The following PRDM6 variants were observed in gnomAD, a reference collection of about 807,000 sequenced individuals.
The protein encoded by PRDM6 is PR/SET domain 6.
In PRDM6, 25 loss-of-function variants were observed where a neutral mutation model predicts 60.8. The observed-to-expected ratio is 0.41, with a 90% CI of 0.30 to 0.57. The LOEUF is 0.57. Among genes scored for constraint, PRDM6 ranks in the 20% least tolerant of loss-of-function variants. The probability of loss-of-function intolerance (pLI) is 0.27; values close to 1 mark genes in which losing one functional copy is unlikely to be tolerated. For synonymous variants in PRDM6, 407 were observed against 357.4 expected, an observed-to-expected ratio of 1.14 and a Z score of -1.57; for missense variants, 839 against 821.3, an observed-to-expected ratio of 1.02 and a Z score of -0.26.
At chr5:123,100,050 T>C (rs1249802387) in intron 3 of PRDM6, 89 bp downstream of exon 3, 1 of 1,337,018 alleles carries the variant, frequency 7.5e-7, no homozygotes, top group Non-Finnish European at 1.0e-6. Flanking sequence ...GGCCTTTGGC[T>C]GTGGCAACTG....
intron 5 of PRDM6, among the ~76,000 whole-genome samples, chr5:123,170,092 T>C (rs1016733554): frequency 1.3e-5 from 2 of 152,176 alleles, no homozygotes; most frequent in Non-Finnish European, 2.9e-5. Context: ...ATTTATTTAT[T>C]TGGACTTTTA....
Position 123,180,334 on chromosome 5 carries a change from G to C in PRDM6, c.1673+11G>C. The C allele has an allele frequency of 6.5e-7, 1 of 1,543,902 alleles. No homozygotes were observed. Among genetic ancestry groups the C allele is most frequent in the Non-Finnish European group, 8.8e-7 (1 of 1,142,284 alleles). On this transcript the variant is annotated intron_variant, in intron 7 of 7. Coordinates refer to ENST00000407847, the MANE Select transcript of PRDM6 (RefSeq NM_001136239.4). ...AGAAAAGCCCTTCAAGTAAGTAGTG[G>C]CTAGCCCTCCACCCTCTCTTTCTCT...
intron 3 of PRDM6, among the ~76,000 whole-genome samples, chr5:123,148,892 A>G (rs931469499): frequency 6.6e-6 from 1 of 152,218 alleles, no homozygotes; most frequent in East Asian, 1.9e-4. Flanking sequence ...ATGGTGGCCT[A>G]TGATTCACAT....
chr5:123,118,122 C>T (rs1036920852), intron 3 of PRDM6, among the ~76,000 whole-genome samples: 7 of 152,090 alleles, frequency 4.6e-5, no homozygotes, highest in African/African-American at 9.7e-5. Context: ...AATGAAGAGC[C>T]AGTTGGGGAG....
intron 3 of PRDM6, among the ~76,000 whole-genome samples, chr5:123,122,990 T>G (rs1275600096): frequency 6.6e-6 from 1 of 152,184 alleles, no homozygotes; most frequent in East Asian, 1.9e-4. Flanking sequence ...ATTTGAATCC[T>G]TATAGATTCT....
At chr5:123,113,622 T>C (rs6889710) in intron 3 of PRDM6, among the ~76,000 whole-genome samples, 56,780 of 152,028 alleles carry the variant, frequency 0.37, 12,430 homozygotes, top group African/African-American at 0.59. Flanking sequence ...GAGTTCTTGC[T>C]CTTCACCGGT....
At chr5:123,129,335 C>T (rs1424672936) in intron 3 of PRDM6, among the ~76,000 whole-genome samples, 3 of 152,098 alleles carry the variant, frequency 2.0e-5, no homozygotes, top group South Asian at 4.1e-4. Context: ...AGCATTGAAT[C>T]TATATATTAC....
At chr5:123,095,985 A>T (rs1439204434) in intron 2 of PRDM6, among the ~76,000 whole-genome samples, 1 of 152,102 alleles carries the variant, frequency 6.6e-6, no homozygotes, top group Non-Finnish European at 1.5e-5. Flanking sequence ...ACAGAAGGAT[A>T]GGAAATGAAG....
chr5:123,176,232 C>G (rs907247734), intron 6 of PRDM6, among the ~76,000 whole-genome samples: 10 of 149,610 alleles, frequency 6.7e-5, no homozygotes, highest in Admixed American at 4.7e-4. Flanking sequence ...TACAGAACAG[C>G]TCCGTCATTA....
intron 3 of PRDM6, among the ~76,000 whole-genome samples, chr5:123,117,012 T>C (rs1485398599): frequency 6.6e-6 from 1 of 152,224 alleles, no homozygotes; most frequent in Admixed American, 6.5e-5. Flanking sequence ...CTTTGTTTTG[T>C]ACCCTAATAA....
chr5:123,120,357 A>G (rs1487058319), intron 3 of PRDM6, among the ~76,000 whole-genome samples: 1 of 152,190 alleles, frequency 6.6e-6, no homozygotes, highest in Non-Finnish European at 1.5e-5. Flanking sequence ...TTGAGTGGAA[A>G]TGGTGTGATC....
intron 2 of PRDM6, among the ~76,000 whole-genome samples, chr5:123,092,652 G>A (rs1763867287): frequency 6.6e-6 from 1 of 152,078 alleles, no homozygotes; most frequent in Non-Finnish European, 1.5e-5. Context: ...TGAGCCAACT[G>A]GATTGTTTCA....
chr5:123,184,552 A>G (rs1008492366), intron 7 of PRDM6, among the ~76,000 whole-genome samples: 9 of 152,172 alleles, frequency 5.9e-5, no homozygotes, highest in East Asian at 1.9e-4. Flanking sequence ...ACTCTGTTAC[A>G]CTGCACGAAG....
At chr5:123,116,595 A>G (rs982431405) in intron 3 of PRDM6, among the ~76,000 whole-genome samples, 10 of 152,218 alleles carry the variant, frequency 6.6e-5, no homozygotes, top group African/African-American at 1.4e-4. Flanking sequence ...TGGAGGGGAT[A>G]TGTATGGAAA....
intron 3 of PRDM6, among the ~76,000 whole-genome samples, chr5:123,127,700 T>C (rs1561833557): frequency 6.6e-6 from 1 of 151,550 alleles, no homozygotes. Flanking sequence ...TTCTTTCTCT[T>C]TCTTTCTTTC....
intron 5 of PRDM6, among the ~76,000 whole-genome samples, chr5:123,160,149 A>G (rs1417652107): frequency 6.6e-6 from 1 of 152,246 alleles, no homozygotes; most frequent in African/African-American, 2.4e-5. Context: ...TTAAAATGGT[A>G]GATATGTGAC....
chr5:123,099,807 G>A lies in PRDM6; in HGVS notation c.746G>A (p.Cys249Tyr), dbSNP rs1291917116. 1 of 1,549,520 alleles carries A rather than the reference G, an allele frequency of 6.5e-7. No individual in the cohort carries two copies. Among genetic ancestry groups the A allele is most frequent in the South Asian group, 1.2e-5 (1 of 83,948 alleles). Residue 249 changes from cysteine to tyrosine, a missense_variant, in exon 3 of 8, where the codon TGC becomes TAC. Cys to Tyr is a radical substitution (Grantham distance 194). Coordinates refer to ENST00000407847, the MANE Select transcript of PRDM6 (RefSeq NM_001136239.4). The surrounding 1 kb of genome is among the most constrained non-coding windows in gnomAD (Gnocchi z 4.0). ...EWLRDLPREV[C>Y]LCTSTVPGLA... ...CTGCGGGACCTGCCTCGCGAGGTGT[G>A]CCTCTGCACCAGTACTGTGCCCGGC...
rs1766309541 is a variant in PRDM6 at position 123,187,260 on chromosome 5, T to C, written c.*59T>C. ...AGTCATGATTAAATGTCACGGACAC[T>C]TAAGCAAAACCAAAGATTTCCTCTG... On this transcript the variant is annotated 3_prime_UTR_variant, in exon 8 of 8. Transcript: ENST00000407847. 4 of 1,357,238 alleles carry C rather than the reference T, an allele frequency of 2.9e-6. No homozygotes were observed. In the African/African-American group the frequency reaches 5.8e-5, roughly 20 times the overall value. The allele number at this position is 1,357,238 out of a possible 1,614,324, so 84.1% of individuals were successfully genotyped here. A position where few individuals can be genotyped will look rare whatever the true frequency, so the allele number is the denominator to read the frequency against.
chr5:123,188,164 C>A lies in PRDM6; in HGVS notation c.*963C>A, dbSNP rs1472209116. 1 of 152,074 alleles carries A rather than the reference C, an allele frequency of 6.6e-6. No individual in the cohort carries two copies. The highest frequency in any genetic ancestry group is 1.5e-5 in the Non-Finnish European group (1 of 68,008). 9.4% of individuals were successfully genotyped at this position (152,074 alleles called of 1,614,324 possible). A position where few individuals can be genotyped will look rare whatever the true frequency, so the allele number is the denominator to read the frequency against. ...GTCAAGGCCCTTTTAGCAATTTTAT[C>A]TTTCTTCCTCTTGCAGATGAACCCC... On this transcript the variant is annotated 3_prime_UTR_variant, in exon 8 of 8. Coordinates refer to ENST00000407847, the MANE Select transcript of PRDM6 (RefSeq NM_001136239.4).
Sources: gnomAD v4.1 joint callset for allele counts (sites outside exome capture counted in the v4.1 genomes callset) on GRCh38, gnomAD v4.1.1 for gene constraint, Gnocchi (gnomAD v3.1) non-coding constraint, MANE v1.5 for transcripts, NCBI Gene and HGNC (gene_info 2026-07-23, HGNC 2026-07-21) for gene names.